Variants in ANKRD36 observed in about 807,000 individuals in gnomAD.
ANKRD36 encodes the protein ankyrin repeat domain 36.
In ANKRD36, 179 loss-of-function variants were observed where a neutral mutation model predicts 278.1. The ratio of observed to expected loss-of-function variants is 0.64; its 90% CI spans 0.57 to 0.73. The LOEUF is 0.73. ANKRD36 is among the 30% of genes least tolerant of loss of function. The pLI is 0.00. For synonymous variants in ANKRD36, 320 were observed against 641.1 expected, an observed-to-expected ratio of 0.50 and a Z score of 7.57; for missense variants, 1,159 against 1,956.7, an observed-to-expected ratio of 0.59 and a Z score of 7.69.
At chr2:97,133,910 T>C (rs2040817907) in intron 6 of ANKRD36, among the ~76,000 whole-genome samples, 1 of 151,984 alleles carries the variant, frequency 6.6e-6, no homozygotes, top group South Asian at 2.1e-4. Context: ...CTGAGAAGCT[T>C]ACATTGTTGC....
chr2:97,226,461 T>C (rs559409686), intron 67 of ANKRD36, among the ~76,000 whole-genome samples: 2 of 149,582 alleles, frequency 1.3e-5, no homozygotes, highest in African/African-American at 2.5e-5. Context: ...TGCCCACTTT[T>C]TGATGGGGTT....
At chr2:97,174,449 A>G (rs2053616974) in intron 22 of ANKRD36, among the ~76,000 whole-genome samples, 1 of 151,634 alleles carries the variant, frequency 6.6e-6, no homozygotes, top group Admixed American at 6.6e-5. Flanking sequence ...CACCAGAGGT[A>G]TATGTTTTGT....
At chr2:97,191,638 G>A (rs1341039718) in intron 36 of ANKRD36, among the ~76,000 whole-genome samples, 2 of 151,614 alleles carry the variant, frequency 1.3e-5, no homozygotes, top group Non-Finnish European at 1.5e-5. Flanking sequence ...CAAGGAAGAC[G>A]GATTGTGAGG....
Position 97,187,238 on chromosome 2 carries a change from C to T in ANKRD36, c.2070+12C>T. 1.9e-6 allele frequency: 3 copies of T among 1,609,628 alleles called. No homozygotes were observed. Among genetic ancestry groups the T allele is most frequent in the East Asian group, 2.2e-5 (1 of 44,708 alleles). On this transcript the variant is annotated intron_variant, in intron 31 of 75. Transcript: ENST00000420699. ...AACCAGCCTTGAAGGTAATTAAACT[C>T]TCATTTATATTGTGAACTAGTAAAT...
chr2:97,180,510 G>GA lies in ANKRD36; in HGVS notation c.1735+578dup, dbSNP rs955014387. Among the ~76,000 whole-genome samples the GA allele has an allele frequency of 6.9e-4, 104 of 151,748 alleles. 1 individual carries two copies. In the South Asian group the frequency reaches 7.1e-3, roughly 10 times the overall value. ...CATTTGGAATATTTGCATAAAAGAA[G>GA]ATTTGATTTTGGCTGCTCCAAGAAC... On this transcript the variant is annotated intron_variant, in intron 24 of 75. Transcript: ENST00000420699.
At chr2:97,115,414 A>C (rs1311789365) in intron 1 of ANKRD36, among the ~76,000 whole-genome samples, 2 of 152,180 alleles carry the variant, frequency 1.3e-5, no homozygotes, top group African/African-American at 4.8e-5. Context: ...AGCAAAATAA[A>C]AAAAATCCAG....
chr2:97,158,112 T>A lies in ANKRD36; in HGVS notation c.1266T>A (p.Ile422=). The change falls in exon 16 of 76, where the codon ATT becomes ATA. Residue 422 remains isoleucine, a synonymous_variant. Transcript: ENST00000420699. ...AAACCTATTGTGTCTTCTAGAATATTTCAGAACCATACTTTACGAACAGAA... is the reference window on the plus strand; with the variant it reads ...AAACCTATTGTGTCTTCTAGAATATATCAGAACCATACTTTACGAACAGAA... ...KDKFALESEN[I]SEPYFTNRRT... 1.3e-6 allele frequency: 2 copies of A among 1,508,146 alleles called. No homozygotes were observed. Among genetic ancestry groups the A allele is most frequent in the Non-Finnish European group, 1.8e-6 (2 of 1,121,892 alleles). The allele number at this position is 1,508,146 out of a possible 1,614,324, so 93.4% of individuals were successfully genotyped here.
chr2:97,196,887 T>C lies in ANKRD36; in HGVS notation c.2653+99T>C, dbSNP rs1195796088. 32 of 1,503,664 alleles carry C rather than the reference T, an allele frequency of 2.1e-5. No individual in the cohort carries two copies. In the African/African-American group the frequency reaches 4.5e-4, roughly 21 times the overall value. 93.1% of individuals were successfully genotyped at this position (1,503,664 alleles called of 1,614,324 possible). On this transcript the variant is annotated intron_variant, in intron 42 of 75. Transcript: ENST00000420699. ...CGGGGGGCTCATCGAAGCTGCACTT[T>C]CTGATTCAGCAGGCCGGAGATTCTT...
intron 22 of ANKRD36, among the ~76,000 whole-genome samples, chr2:97,171,427 C>T (rs1324468962): frequency 2.8e-5 from 4 of 145,224 alleles, no homozygotes; most frequent in African/African-American, 1.0e-4. Context: ...TGGAAATCAT[C>T]ATTCTCAGTA....
chr2:97,231,025 T>C (rs2071807086), intron 67 of ANKRD36, among the ~76,000 whole-genome samples: 1 of 152,070 alleles, frequency 6.6e-6, no homozygotes, highest in Admixed American at 6.5e-5. Flanking sequence ...AGTACCCGGC[T>C]GTGTGAGGTG....
At chr2:97,259,070 T>C (rs1355112361) in intron 75 of ANKRD36, among the ~76,000 whole-genome samples, 1 of 140,888 alleles carries the variant, frequency 7.1e-6, no homozygotes, top group African/African-American at 2.5e-5. Flanking sequence ...TTGTTGTTTT[T>C]CCCCGATGGA....
At chr2:97,233,596 C>T (rs2153680125) in intron 67 of ANKRD36, 134 bp from the exon 68 acceptor site, 1 of 1,480,586 alleles carries the variant, frequency 6.8e-7, no homozygotes, top group East Asian at 2.6e-5. Flanking sequence ...AAGGAAATTG[C>T]TTAAAAAAAA....
chr2:97,231,308 C>T (rs1284970927), intron 67 of ANKRD36, among the ~76,000 whole-genome samples: 7 of 152,160 alleles, frequency 4.6e-5, no homozygotes, highest in Admixed American at 3.9e-4. Context: ...GTTCAAGCTG[C>T]TTTGTTTACC....
rs1165854967 is a variant in ANKRD36 at position 97,206,053 on chromosome 2, T to A, written c.3091-10T>A. The stretch of plus-strand genomic sequence containing the variant: ...TATTTATTTATTATTTTGTTTCAAA[T>A]TCCATTCAGGCTACAAGTGATGAGG... On this transcript the variant is annotated splice_polypyrimidine_tract_variant and intron_variant, in intron 51 of 75. Transcript: ENST00000420699. 6.5e-7 allele frequency: 1 copy of A among 1,549,226 alleles called. No homozygotes were observed. The highest frequency in any genetic ancestry group is 8.7e-7 in the Non-Finnish European group (1 of 1,148,824).
intron 15 of ANKRD36, among the ~76,000 whole-genome samples, chr2:97,156,380 C>G (rs2047445336): frequency 7.0e-6 from 1 of 143,036 alleles, no homozygotes; most frequent in African/African-American, 2.4e-5. Flanking sequence ...CTACCCCCAC[C>G]CCACAACAGT....
intron 64 of ANKRD36, among the ~76,000 whole-genome samples, 152 bp downstream of exon 64, chr2:97,217,524 T>C (rs1475006096): frequency 1.3e-5 from 2 of 152,048 alleles, no homozygotes; most frequent in East Asian, 2.0e-4. Context: ...TCAGGTGTTG[T>C]TGATGCTGCT....
chr2:97,180,252 G>T (rs1218059372), intron 24 of ANKRD36, among the ~76,000 whole-genome samples: 1 of 151,602 alleles, frequency 6.6e-6, no homozygotes, highest in Non-Finnish European at 1.5e-5. Context: ...AGGGAAAAGA[G>T]AACGAGATGA....
chr2:97,123,621 A>G (rs1267849341), intron 4 of ANKRD36, among the ~76,000 whole-genome samples: 4 of 46,188 alleles, frequency 8.7e-5, no homozygotes, highest in Non-Finnish European at 3.5e-4. Flanking sequence ...CATTATATAT[A>G]TATATATATA....
chr2:97,170,293 G>C (rs1020270486), intron 22 of ANKRD36, among the ~76,000 whole-genome samples: 5 of 151,160 alleles, frequency 3.3e-5, no homozygotes, highest in African/African-American at 4.9e-5. Flanking sequence ...CACACTACCT[G>C]ACTTCAAACT....
Sources: allele counts gnomAD v4.1 joint callset (sites outside exome capture counted in the v4.1 genomes callset), GRCh38; gene constraint gnomAD v4.1.1; transcripts MANE v1.5; gene names NCBI Gene and HGNC (gene_info 2026-07-23, HGNC 2026-07-21).